Variants in DNAJC7 observed in about 807,000 individuals in gnomAD.
DNAJC7 encodes the protein dnaJ homolog subfamily C member 7.
DNAJC7 carries 18 observed loss-of-function variants against 67.4 expected under a neutral mutation model. The observed-to-expected ratio is 0.27, with a 90% CI of 0.18 to 0.40. The LOEUF (loss-of-function observed/expected upper bound fraction) is 0.40. DNAJC7 is among the 10% of genes least tolerant of loss of function. The pLI, the probability that DNAJC7 is intolerant of heterozygous loss-of-function variation, is 1.00. For missense variants in DNAJC7, 419 were observed against 613.8 expected (o/e 0.68, Z 3.35); for synonymous variants, 220 against 207.8 (o/e 1.06, Z -0.50).
intron 1 of DNAJC7, among the ~76,000 whole-genome samples, chr17:42,012,605 A>G (rs1555651185): frequency 2.0e-5 from 3 of 152,252 alleles, no homozygotes; most frequent in Admixed American, 1.3e-4. Context: ...AGGTATTCCC[A>G]TATTAGGTAA....
At chr17:42,008,281 C>T (rs2052023095) in intron 1 of DNAJC7, among the ~76,000 whole-genome samples, 1 of 147,224 alleles carries the variant, frequency 6.8e-6, no homozygotes, top group East Asian at 2.1e-4. Flanking sequence ...CATTGCACTC[C>T]AGCCTGGGCA....
chr17:41,988,614 A>T, intron 8 of DNAJC7, 118 bp downstream of exon 8: 5 of 1,254,188 alleles, frequency 4.0e-6, no homozygotes, highest in Non-Finnish European at 5.4e-6. Context: ...ACAAACTATT[A>T]ACCATAACAA....
At chr17:42,007,039 T>C (rs2051984508) in intron 1 of DNAJC7, among the ~76,000 whole-genome samples, 1 of 151,096 alleles carries the variant, frequency 6.6e-6, no homozygotes, top group Admixed American at 6.6e-5. Flanking sequence ...GAGATGGAGC[T>C]TGCGGTGAGC....
chr17:41,995,043 A>G lies in DNAJC7; in HGVS notation c.406-99T>C, dbSNP rs2051619271. 3.0e-6 allele frequency: 3 copies of G among 985,892 alleles called. No homozygotes were observed. The South Asian group carries it at 4.0e-5, about 13-fold the overall frequency. 61.1% of individuals were successfully genotyped at this position (985,892 alleles called of 1,614,324 possible). Reference sequence around the variant, plus strand: ...GCCTTGATGAATTTGAATTCAGTAAATATACCACACTGCCTCTTTTGATAG... The same window carrying G: ...GCCTTGATGAATTTGAATTCAGTAAGTATACCACACTGCCTCTTTTGATAG... On this transcript the variant is annotated intron_variant, in intron 4 of 13. Transcript: ENST00000457167.
intron 1 of DNAJC7, chr17:42,017,078 C>T: frequency 7.2e-7 from 1 of 1,394,888 alleles, no homozygotes; most frequent in South Asian, 1.5e-5. Flanking sequence ...GGAGACTCGG[C>T]CTCTCCTATA....
At chr17:41,982,430 C>A (rs2051273795) in intron 10 of DNAJC7, 29 bp from the exon 11 acceptor site, 2 of 1,610,682 alleles carry the variant, frequency 1.2e-6, no homozygotes, top group Non-Finnish European at 1.7e-6. Context: ...CATCAGTGGA[C>A]AAATCTGACT....
Position 41,990,389 on chromosome 17 carries a change from G to A in DNAJC7, c.481-7C>T, listed in dbSNP as rs782739081. 5 of 1,597,518 alleles carry A rather than the reference G, an allele frequency of 3.1e-6. No homozygotes were observed. In the Admixed American group the frequency reaches 8.7e-5, roughly 28 times the overall value. On this transcript the variant is annotated splice_region_variant and splice_polypyrimidine_tract_variant and intron_variant, in intron 5 of 13. Transcript: ENST00000457167. ...GGTCCATGCAGAAAACAACCTGTAG[G>A]GAAGAAGAAAACAAATAAGGCTCTT... is the stretch of plus-strand genomic sequence containing the variant.
At chr17:41,991,240 C>A (rs989437911) in intron 5 of DNAJC7, among the ~76,000 whole-genome samples, 10 of 152,158 alleles carry the variant, frequency 6.6e-5, no homozygotes, top group African/African-American at 1.9e-4. Context: ...AAGGACAAAT[C>A]TGGAGTTAAG....
intron 1 of DNAJC7, chr17:42,016,269 C>T (rs1450233911): frequency 6.6e-6 from 1 of 152,172 alleles, no homozygotes; most frequent in Non-Finnish European, 1.5e-5. Flanking sequence ...TAGTAAAAAT[C>T]TCAGAATCCT....
intron 2 of DNAJC7, among the ~76,000 whole-genome samples, 160 bp downstream of exon 2, chr17:42,000,322 T>C (rs2051775011): frequency 6.6e-6 from 1 of 151,820 alleles, no homozygotes; most frequent in Non-Finnish European, 1.5e-5. Flanking sequence ...TTTCGTCATG[T>C]TGGCCAGAGT....
At chr17:41,983,112 CTTTT>C (rs1207108610) in intron 10 of DNAJC7, among the ~76,000 whole-genome samples, 1 of 151,170 alleles carries the variant, frequency 6.6e-6, no homozygotes, top group Non-Finnish European at 1.5e-5. Context: ...TATCTGTTCA[CTTTT>C]TTTTTCTTTT....
intron 1 of DNAJC7, chr17:42,011,065 G>C (rs1823027563): frequency 6.6e-6 from 1 of 152,164 alleles, no homozygotes; most frequent in South Asian, 2.1e-4. Flanking sequence ...AAAGACCTCT[G>C]AGTAACTTCC....
rs1555648805 is a variant in DNAJC7 at position 41,997,242 on chromosome 17, A to T, written c.167-3T>A. 6.2e-7 allele frequency: 1 copy of T among 1,613,114 alleles called. No individual in the cohort carries two copies. The highest frequency in any genetic ancestry group is 8.5e-7 in the Non-Finnish European group (1 of 1,179,436). On this transcript the variant is annotated splice_polypyrimidine_tract_variant and splice_region_variant and intron_variant, in intron 2 of 13. Transcript: ENST00000457167. Reference sequence around the variant, plus strand: ...GCTAGCATTTTTAGGACACATATCTATAGGAAAGGCAGAAGAACGTAAAAC... The same window carrying T: ...GCTAGCATTTTTAGGACACATATCTTTAGGAAAGGCAGAAGAACGTAAAAC...
rs1343953558 is a variant in DNAJC7 at position 41,990,201 on chromosome 17, T to C, written c.599+63A>G. 15 of 1,474,956 alleles carry C rather than the reference T, an allele frequency of 1.0e-5. 1 individual carries two copies. The highest frequency in any genetic ancestry group is 8.5e-5 in the South Asian group (7 of 82,364). The allele number at this position is 1,474,956 out of a possible 1,614,324, so 91.4% of individuals were successfully genotyped here. ...TGGGGACCATATCCTGTGGTGAAGC[T>C]GCCGGACACCATCAGTCCAATGGTA... is the stretch of plus-strand genomic sequence containing the variant. On this transcript the variant is annotated intron_variant, in intron 6 of 13. Coordinates refer to ENST00000457167, the MANE Select transcript of DNAJC7 (RefSeq NM_003315.4).
chr17:41,977,484 C>T (rs2051120791), intron 12 of DNAJC7, 161 bp from the exon 13 acceptor site: 2 of 606,178 alleles, frequency 3.3e-6, no homozygotes, highest in Admixed American at 5.9e-5. Flanking sequence ...CAAACCTGCC[C>T]CATCCCGTGC....
intron 12 of DNAJC7, among the ~76,000 whole-genome samples, chr17:41,980,984 C>T (rs535844581): frequency 1.3e-5 from 2 of 152,144 alleles, no homozygotes; most frequent in South Asian, 4.2e-4. Context: ...GCACCCTATC[C>T]CTTTATCTTC....
Position 41,996,386 on chromosome 17 carries a change from C to T in DNAJC7, c.330G>A (p.Gly110=), listed in dbSNP as rs948215561. 1.9e-6 allele frequency: 3 copies of T among 1,613,850 alleles called. No homozygotes were observed. The highest frequency in any genetic ancestry group is 1.7e-6 in the Non-Finnish European group (2 of 1,179,884). The part of the protein sequence containing the change: ...LREGKCHLSL[G]NAMAACRSFQ... ...AGCTGCGACATGCTGCCATGGCATT[C>T]CCCAGAGAGAGGTGGCACTTGCCCT... The change falls in exon 4 of 14, where the codon GGG becomes GGA. Residue 110 remains glycine, a synonymous_variant. Transcript: ENST00000457167.
intron 12 of DNAJC7, 197 bp downstream of exon 12, chr17:41,981,658 A>T: frequency 1.5e-6 from 1 of 656,814 alleles, no homozygotes; most frequent in Non-Finnish European, 2.5e-6. Flanking sequence ...TTCCCTTGCT[A>T]GTGCTCGCCT....
intron 9 of DNAJC7, chr17:41,984,299 C>G (rs957804839): frequency 8.3e-6 from 1 of 120,432 alleles, no homozygotes; most frequent in Admixed American, 8.4e-5. Flanking sequence ...ATTGCGAGAT[C>G]TTTTTTTTTT....
Sources: allele counts gnomAD v4.1 joint callset (sites outside exome capture counted in the v4.1 genomes callset), GRCh38; gene constraint gnomAD v4.1.1; transcripts MANE v1.5; gene names NCBI Gene and HGNC (gene_info 2026-07-23, HGNC 2026-07-21).